Variants in ARID3B observed in about 807,000 individuals in gnomAD.
ARID3B encodes the protein AT-rich interactive domain-containing protein 3B.
A neutral mutation model predicts 51.9 loss-of-function variants in ARID3B; 10 were observed. The ratio of observed to expected loss-of-function variants is 0.19; its 90% CI spans 0.12 to 0.33. The LOEUF (loss-of-function observed/expected upper bound fraction) is 0.33, where lower values mean the gene tolerates loss of function less well. ARID3B is among the 10% of genes least tolerant of loss of function. The probability of loss-of-function intolerance (pLI) is 1.00; values close to 1 mark genes in which losing one functional copy is unlikely to be tolerated. For missense variants in ARID3B, 483 were observed against 716.3 expected, an observed-to-expected ratio of 0.67 and a Z score of 3.72; for synonymous variants, 205 against 279.5, an observed-to-expected ratio of 0.73 and a Z score of 2.66.
chr15:74,560,501 A>G (rs1156718628), intron 2 of ARID3B, among the ~76,000 whole-genome samples: 1 of 152,152 alleles, frequency 6.6e-6, no homozygotes, highest in East Asian at 1.9e-4. Flanking sequence ...GCAGTCCTCC[A>G]TGAGTGTTCA....
intron 4 of ARID3B, among the ~76,000 whole-genome samples, chr15:74,583,509 G>A (rs2141474267): frequency 6.6e-6 from 1 of 152,128 alleles, no homozygotes; most frequent in East Asian, 1.9e-4. Flanking sequence ...TCTGTGGTGA[G>A]GAGTTTGAGA....
intron 4 of ARID3B, among the ~76,000 whole-genome samples, chr15:74,583,541 AC>A: frequency 6.6e-6 from 1 of 151,722 alleles, no homozygotes; most frequent in Admixed American, 6.6e-5. Flanking sequence ...AAATGGTGAA[AC>A]CCTGTCTCCA....
intron 4 of ARID3B, among the ~76,000 whole-genome samples, chr15:74,580,772 C>T (rs1037584464): frequency 2.6e-5 from 4 of 152,210 alleles, no homozygotes; most frequent in Non-Finnish European, 5.9e-5. Flanking sequence ...CCCATCACTC[C>T]CCTTTGGAGA....
chr15:74,581,538 A>G (rs1326782714), intron 4 of ARID3B, among the ~76,000 whole-genome samples: 1 of 152,192 alleles, frequency 6.6e-6, no homozygotes, highest in Non-Finnish European at 1.5e-5. Flanking sequence ...ATGAAAGTCT[A>G]AAATGCAAAT....
chr15:74,555,354 G>A (rs2141451209), intron 2 of ARID3B, among the ~76,000 whole-genome samples: 1 of 151,952 alleles, frequency 6.6e-6, no homozygotes, highest in Admixed American at 6.6e-5. Flanking sequence ...TTTTGAAGCA[G>A]GGTCTCACTC....
chr15:74,590,251 G>T (rs1479281765), intron 5 of ARID3B, among the ~76,000 whole-genome samples: 1 of 152,214 alleles, frequency 6.6e-6, no homozygotes, highest in Non-Finnish European at 1.5e-5. Context: ...ACCCTGTAAA[G>T]TAGGTATGCC....
At chr15:74,566,163 G>A (rs2061697342) in intron 2 of ARID3B, among the ~76,000 whole-genome samples, 1 of 152,056 alleles carries the variant, frequency 6.6e-6, no homozygotes, top group African/African-American at 2.4e-5. Context: ...CTACTGCACA[G>A]CCACCTACCC....
chr15:74,562,970 A>G (rs1000722813), intron 2 of ARID3B, among the ~76,000 whole-genome samples: 2 of 152,098 alleles, frequency 1.3e-5, no homozygotes, highest in East Asian at 3.9e-4. Flanking sequence ...CCTTTTCTAG[A>G]GTTGTCGTTT....
intron 2 of ARID3B, among the ~76,000 whole-genome samples, chr15:74,564,457 C>T (rs576053294): frequency 1.3e-5 from 2 of 152,164 alleles, no homozygotes; most frequent in East Asian, 3.9e-4. Context: ...TGGATCTGGC[C>T]AATGATAAGA....
At chr15:74,587,888 C>T (rs2061787018) in intron 4 of ARID3B, among the ~76,000 whole-genome samples, 1 of 152,120 alleles carries the variant, frequency 6.6e-6, no homozygotes, top group Non-Finnish European at 1.5e-5. Context: ...CTTGACCCTC[C>T]AAGGACCAGC....
At chr15:74,558,248 C>T (rs952085167) in intron 2 of ARID3B, among the ~76,000 whole-genome samples, 34 of 148,732 alleles carry the variant, frequency 2.3e-4, no homozygotes, top group African/African-American at 6.5e-4. Flanking sequence ...TTTGAACCTC[C>T]TCATTCAGTC....
At chr15:74,564,552 G>T (rs930372405) in intron 2 of ARID3B, among the ~76,000 whole-genome samples, 7 of 152,216 alleles carry the variant, frequency 4.6e-5, no homozygotes, top group Admixed American at 4.6e-4. Context: ...GGAGCAGTTA[G>T]TTGCCATCCA....
intron 2 of ARID3B, among the ~76,000 whole-genome samples, chr15:74,560,395 A>C (rs1357016638): frequency 6.6e-6 from 1 of 152,180 alleles, no homozygotes; most frequent in African/African-American, 2.4e-5. Context: ...AATTGTTAAC[A>C]GTTTGGTCTA....
intron 2 of ARID3B, among the ~76,000 whole-genome samples, chr15:74,558,201 G>GTTTTTTTTTTTTTTTT (rs2061666676): frequency 1.5e-5 from 2 of 135,138 alleles, no homozygotes; most frequent in African/African-American, 2.8e-5. Context: ...TTTTTTTTGG[G>GTTTTTTTTTTTTTTTT]TACTATTTTT....
At chr15:74,583,083 C>G (rs540875598) in intron 4 of ARID3B, among the ~76,000 whole-genome samples, 6 of 151,844 alleles carry the variant, frequency 4.0e-5, no homozygotes, top group Non-Finnish European at 8.8e-5. Flanking sequence ...GCCTGTAGTC[C>G]CAGCTACTTG....
chr15:74,549,944 A>G (rs538236700), intron 2 of ARID3B, among the ~76,000 whole-genome samples: 15 of 152,226 alleles, frequency 9.9e-5, no homozygotes, highest in Non-Finnish European at 2.2e-4. Flanking sequence ...GGTCCAAAAT[A>G]ACAGTAGTGC....
chr15:74,573,248 T>TA (rs768472825), intron 4 of ARID3B, 44 bp downstream of exon 4: 2 of 1,577,954 alleles, frequency 1.3e-6, no homozygotes, highest in East Asian at 4.5e-5. Context: ...GGAATACTGA[T>TA]AGAGTGCCTA....
At chr15:74,542,997 C>T (rs79350198) in intron 1 of ARID3B, among the ~76,000 whole-genome samples, 1 of 152,198 alleles carries the variant, frequency 6.6e-6, no homozygotes, top group African/African-American at 2.4e-5. Flanking sequence ...AGAAATGAAT[C>T]AGAAAGAAAG....
intron 2 of ARID3B, among the ~76,000 whole-genome samples, chr15:74,545,812 C>T (rs1443997548): frequency 1.3e-5 from 2 of 152,190 alleles, no homozygotes; most frequent in African/African-American, 4.8e-5. Context: ...TTGCAGCCAG[C>T]AGTGGGATTC....
Sources: gnomAD v4.1 joint callset for allele counts (sites outside exome capture counted in the v4.1 genomes callset) on GRCh38, gnomAD v4.1.1 for gene constraint, MANE v1.5 for transcripts, NCBI Gene and HGNC (gene_info 2026-07-23, HGNC 2026-07-21) for gene names.